Variants in TRPC5 observed in about 807,000 individuals in gnomAD.
TRPC5 encodes transient receptor potential cation channel subfamily C member 5, also known as short transient receptor potential channel 5.
Under a neutral mutation model 56.5 loss-of-function variants are expected in TRPC5, and 9 were observed. The observed-to-expected ratio is 0.16, with a 90% CI of 0.10 to 0.28. The LOEUF (loss-of-function observed/expected upper bound fraction) is 0.28, where lower values mean the gene tolerates loss of function less well. Ranked by LOEUF, TRPC5 falls within the 10% of genes least tolerant of loss-of-function variation. The pLI, the probability that TRPC5 is intolerant of heterozygous loss-of-function variation, is 1.00. For synonymous variants in TRPC5, 282 were observed against 278.5 expected (o/e 1.01, Z -0.13); for missense variants, 469 against 748.9 (o/e 0.63, Z 4.36).
At chrX:111,814,952 A>G (rs1214994992) in intron 7 of TRPC5, among the ~76,000 whole-genome samples, 1 of 110,559 alleles carries the variant, frequency 9.0e-6, no homozygotes, top group African/African-American at 3.3e-5. Flanking sequence ...AATTCCCCTC[A>G]CACTCCACTA....
At chrX:112,072,792 C>A (rs1337701349) in intron 1 of TRPC5, among the ~76,000 whole-genome samples, 2 of 111,056 alleles carry the variant, frequency 1.8e-5, no homozygotes, top group Non-Finnish European at 3.8e-5. Context: ...TTCCTTCACT[C>A]TTGTCAGATC....
chrX:111,999,882 C>T (rs2148659315), intron 1 of TRPC5, among the ~76,000 whole-genome samples: 1 of 111,562 alleles, frequency 9.0e-6, no homozygotes, highest in East Asian at 2.8e-4. Context: ...AGGAAAATTG[C>T]TTCAACCTGG....
intron 1 of TRPC5, among the ~76,000 whole-genome samples, chrX:112,013,203 T>A (rs186166967): frequency 9.0e-6 from 1 of 111,726 alleles, no homozygotes; most frequent in African/African-American, 3.3e-5. Flanking sequence ...CAGGCTGGAG[T>A]GCAGTGGTGC....
At chrX:112,030,904 T>C (rs5942765) in intron 1 of TRPC5, among the ~76,000 whole-genome samples, 2,513 of 111,532 alleles carry the variant, frequency 0.023, 35 homozygotes, top group Non-Finnish European at 0.034. Context: ...ATTTTATATC[T>C]ATCTCACTTA....
chrX:112,081,041 G>A (rs1930952280), intron 1 of TRPC5, among the ~76,000 whole-genome samples: 3 of 112,056 alleles, frequency 2.7e-5, no homozygotes, highest in African/African-American at 6.5e-5. Flanking sequence ...TGGTTTCCCC[G>A]CTTCAGGCTT....
chrX:111,808,220 A>G (rs1217270447), intron 7 of TRPC5, among the ~76,000 whole-genome samples: 1 of 110,420 alleles, frequency 9.1e-6, no homozygotes, highest in East Asian at 2.9e-4. Flanking sequence ...TCTGGGTGGT[A>G]AGTTCCCCCA....
chrX:111,959,494 T>C (rs1269516506), intron 1 of TRPC5, among the ~76,000 whole-genome samples: 2 of 110,420 alleles, frequency 1.8e-5, no homozygotes, highest in African/African-American at 3.3e-5. Context: ...AATGAAGGAA[T>C]TGAAGAACAA....
At chrX:111,865,824 T>C (rs1051892104) in intron 3 of TRPC5, among the ~76,000 whole-genome samples, 2 of 112,552 alleles carry the variant, frequency 1.8e-5, no homozygotes, top group African/African-American at 6.5e-5. Context: ...TCTTCCTTCC[T>C]TAGTGTGTGA....
intron 1 of TRPC5, among the ~76,000 whole-genome samples, chrX:112,004,555 C>T (rs1001765419): frequency 4.5e-5 from 5 of 112,029 alleles, no homozygotes; most frequent in African/African-American, 1.6e-4. Flanking sequence ...CCAGCAGCAT[C>T]ACTTGGGAAT....
intron 2 of TRPC5, among the ~76,000 whole-genome samples, chrX:111,937,878 C>T (rs1328878788): frequency 1.3e-4 from 14 of 106,057 alleles, no homozygotes; most frequent in Middle Eastern, 4.7e-3. Flanking sequence ...TCCAATTCTG[C>T]GAAGAAAGTC....
At chrX:112,053,966 C>A (rs1316018753) in intron 1 of TRPC5, among the ~76,000 whole-genome samples, 1 of 112,033 alleles carries the variant, frequency 8.9e-6, no homozygotes, top group African/African-American at 3.2e-5. Context: ...TATAGCTTTA[C>A]CAAATCTGAA....
chrX:111,981,247 T>A (rs1603129398), intron 1 of TRPC5, among the ~76,000 whole-genome samples: 1 of 109,971 alleles, frequency 9.1e-6, no homozygotes, highest in Non-Finnish European at 1.9e-5. Flanking sequence ...AAAAAGCTGA[T>A]GTTTCAGTTC....
At chrX:111,807,360 A>G (rs1921547411) in intron 7 of TRPC5, among the ~76,000 whole-genome samples, 1 of 112,220 alleles carries the variant, frequency 8.9e-6, no homozygotes, top group Non-Finnish European at 1.9e-5. Flanking sequence ...AGACTCATGC[A>G]TTCTTCAGTA....
intron 7 of TRPC5, among the ~76,000 whole-genome samples, chrX:111,830,472 C>T (rs1255602348): frequency 2.7e-5 from 3 of 111,576 alleles, no homozygotes; most frequent in Non-Finnish European, 1.9e-5. Flanking sequence ...TATGGTTTGA[C>T]TGTGTCCCCA....
At chrX:112,030,857 G>T (rs774606894) in intron 1 of TRPC5, among the ~76,000 whole-genome samples, 1 of 111,786 alleles carries the variant, frequency 8.9e-6, no homozygotes, top group Non-Finnish European at 1.9e-5. Flanking sequence ...AATAACTAGT[G>T]TTGAGTACCC....
intron 3 of TRPC5, among the ~76,000 whole-genome samples, chrX:111,869,260 A>G (rs995887570): frequency 5.4e-5 from 6 of 110,858 alleles, no homozygotes; most frequent in African/African-American, 2.0e-4. Flanking sequence ...TACCTTTTAC[A>G]TGTACTCTCT....
At chrX:112,000,369 A>G (rs190980821) in intron 1 of TRPC5, among the ~76,000 whole-genome samples, 1 of 112,357 alleles carries the variant, frequency 8.9e-6, no homozygotes, top group African/African-American at 3.2e-5. Context: ...CAAAGCACGT[A>G]CAGAAATATA....
At chrX:111,846,412 C>T (rs1355540176) in intron 6 of TRPC5, among the ~76,000 whole-genome samples, 5 of 111,678 alleles carry the variant, frequency 4.5e-5, no homozygotes, top group African/African-American at 9.8e-5. Context: ...AAATAAAAGC[C>T]GTTCTGAAGG....
chrX:111,963,479 G>C (rs1419705532), intron 1 of TRPC5, among the ~76,000 whole-genome samples: 1 of 111,963 alleles, frequency 8.9e-6, no homozygotes, highest in Non-Finnish European at 1.9e-5. Flanking sequence ...GAGAGTAGTG[G>C]TTCTCCCAGC....
Sources: gnomAD v4.1 joint callset for allele counts (sites outside exome capture counted in the v4.1 genomes callset) on GRCh38, gnomAD v4.1.1 for gene constraint, MANE v1.5 for transcripts, NCBI Gene and HGNC (gene_info 2026-07-23, HGNC 2026-07-21) for gene names.